Variants in WDR64 observed in about 807,000 individuals in gnomAD.
WDR64 encodes the protein WD repeat domain 64.
In WDR64, 112 loss-of-function variants were observed where a neutral mutation model predicts 139.3. The ratio of observed to expected loss-of-function variants is 0.80; its 90% CI spans 0.69 to 0.94. The LOEUF is 0.94. WDR64 is among the 40% of genes least tolerant of loss of function. WDR64 has a pLI of 0.00. For missense variants in WDR64, 1,206 were observed against 1,293.1 expected, an observed-to-expected ratio of 0.93 and a Z score of 1.03; for synonymous variants, 444 against 437.7, an observed-to-expected ratio of 1.01 and a Z score of -0.18.
chr1:241,781,529 G>A (rs1658844327), intron 22 of WDR64, among the ~76,000 whole-genome samples: 2 of 152,150 alleles, frequency 1.3e-5, no homozygotes, highest in Non-Finnish European at 2.9e-5. Context: ...TAGAAAAAAA[G>A]GTTAATCTTG....
rs1440765243 is a variant in WDR64, at chr1:241,674,690, C to T, written c.426C>T (p.His142=). The part of the protein sequence containing the change: ...DVIKSIVKIP[H]LDLLITATQK... ...TTAAGAGCATTGTCAAGATACCTCA[C>T]CTGGATTTACTAATAACAGCTACTC... The change falls in exon 4 of 28, where the codon CAC becomes CAT. Residue 142 remains histidine, a synonymous_variant. Transcript: ENST00000437684. The T allele has an allele frequency of 6.5e-7, 1 of 1,550,284 alleles. No homozygotes were observed. The highest frequency in any genetic ancestry group is 8.7e-7 in the Non-Finnish European group (1 of 1,146,126).
At chr1:241,771,383 A>T (rs188156463) in intron 18 of WDR64, among the ~76,000 whole-genome samples, 25 of 152,288 alleles carry the variant, frequency 1.6e-4, no homozygotes, top group Admixed American at 1.0e-3. Flanking sequence ...ACAATTAGAG[A>T]TCATGTCAAC....
In WDR64 at chr1:241,802,708, T is replaced by C. The variant is rs1659558861; in HGVS notation, c.*1493T>C. Among the ~76,000 whole-genome samples, 4 of 152,174 alleles carry C rather than the reference T, an allele frequency of 2.6e-5. No individual in the cohort carries two copies. The highest frequency in any genetic ancestry group is 2.6e-4 in the Admixed American group (4 of 15,274). The stretch of plus-strand genomic sequence containing the variant: ...AGATGGATATGTGTTAGAGCATATC[T>C]AAAACCACATTAATTATGGAATCTA... On this transcript the variant is annotated 3_prime_UTR_variant, in exon 28 of 28. Transcript: ENST00000437684.
chr1:241,780,111 T>C (rs745966431), intron 22 of WDR64, 49 bp downstream of exon 22: 2 of 1,436,940 alleles, frequency 1.4e-6, no homozygotes, highest in East Asian at 2.4e-5. Context: ...CATATATTTA[T>C]TGAGCATTTC....
chr1:241,767,149 CAA>C (rs2148293621), intron 16 of WDR64, among the ~76,000 whole-genome samples: 1 of 152,292 alleles, frequency 6.6e-6, no homozygotes, highest in East Asian at 1.9e-4. Flanking sequence ...ACTCAGCCAC[CAA>C]AGTCACATGG....
At chr1:241,760,345 A>G (rs1558511934) in intron 15 of WDR64, among the ~76,000 whole-genome samples, 1 of 150,658 alleles carries the variant, frequency 6.6e-6, no homozygotes, top group African/African-American at 2.4e-5. Context: ...ATATATATAT[A>G]TTTATATTTA....
chr1:241,771,963 T>TACATAC (rs1658468312), intron 19 of WDR64, among the ~76,000 whole-genome samples: 2 of 92,954 alleles, frequency 2.2e-5, no homozygotes, highest in South Asian at 5.1e-4. Flanking sequence ...TATATATATA[T>TACATAC]ATATATATAT....
At position 241,660,531 on chromosome 1, in the gene WDR64, T is replaced by G; in HGVS notation, c.147T>G (p.Asp49Glu). The G allele has an allele frequency of 1.3e-6, 2 of 1,551,584 alleles. No homozygotes were observed. Among genetic ancestry groups the G allele is most frequent in the Non-Finnish European group, 1.7e-6 (2 of 1,146,730 alleles). ...TGGACTGTACTTTTTTCAATGCAGA[T>G]GCAATTGGTTATGACAAGTTTTATG... ...ERAGLFIHKE[D>E]AIGYDKFYAS... The change falls in exon 2 of 28, where the codon GAT becomes GAG. Residue 49 changes from aspartate (D) to glutamate (E), a missense_variant and splice_region_variant. Coordinates refer to ENST00000437684, the MANE Select transcript of WDR64 (RefSeq NM_001367482.1).
At chr1:241,770,883 A>C (rs1174056939) in intron 18 of WDR64, among the ~76,000 whole-genome samples, 193 bp downstream of exon 18, 1 of 152,204 alleles carries the variant, frequency 6.6e-6, no homozygotes, top group African/African-American at 2.4e-5. Flanking sequence ...TCAATTTTAT[A>C]TATTTTTCAA....
At chr1:241,782,743 G>C (rs932903785) in intron 22 of WDR64, among the ~76,000 whole-genome samples, 4 of 152,124 alleles carry the variant, frequency 2.6e-5, no homozygotes, top group Non-Finnish European at 5.9e-5. Context: ...GAATGAAGCT[G>C]AGTTTTATTC....
rs1669887063 is a variant in WDR64, at chr1:241,749,213, C to T, written c.1595-334C>T. ...GTAGCGAATATTCCCATGTTCGGGA[C>T]TGGGTGTTTAGCACACTGAGAAGCG... On this transcript the variant is annotated intron_variant, in intron 13 of 27. Transcript: ENST00000437684. Among the ~76,000 whole-genome samples, 3 of 152,110 alleles carry T rather than the reference C, an allele frequency of 2.0e-5. 1 individual carries two copies. Among genetic ancestry groups the T allele is most frequent in the South Asian group, 4.1e-4 (2 of 4,836 alleles).
At chr1:241,702,208 A>G (rs1407167806) in intron 8 of WDR64, among the ~76,000 whole-genome samples, 1 of 152,270 alleles carries the variant, frequency 6.6e-6, no homozygotes, top group South Asian at 2.1e-4. Flanking sequence ...ACTTTTTATT[A>G]TTTACCCAAC....
intron 19 of WDR64, 48 bp from the exon 20 acceptor site, chr1:241,772,744 T>G (rs1478145749): frequency 6.5e-7 from 1 of 1,540,568 alleles, no homozygotes; most frequent in Non-Finnish European, 8.8e-7. Flanking sequence ...ATTACAGGTG[T>G]GAGCCACCAC....
chr1:241,678,131 C>A, intron 4 of WDR64, 56 bp from the exon 5 acceptor site: 1 of 398,674 alleles, frequency 2.5e-6, no homozygotes, highest in South Asian at 1.3e-4. Flanking sequence ...AGTCAGCATT[C>A]TCATCTTTAA....
intron 4 of WDR64, among the ~76,000 whole-genome samples, chr1:241,677,598 A>T (rs1436965922): frequency 6.6e-6 from 1 of 152,230 alleles, no homozygotes; most frequent in Non-Finnish European, 1.5e-5. Context: ...AAGGCTGCTC[A>T]TATATACAGT....
At chr1:241,766,989 C>T (rs541290398) in intron 16 of WDR64, among the ~76,000 whole-genome samples, 3 of 152,308 alleles carry the variant, frequency 2.0e-5, no homozygotes, top group Admixed American at 2.0e-4. Context: ...CTCTCTAGAG[C>T]TTCAAACACA....
intron 8 of WDR64, among the ~76,000 whole-genome samples, chr1:241,695,204 C>T (rs1667437035): frequency 6.6e-6 from 1 of 152,162 alleles, no homozygotes; most frequent in Non-Finnish European, 1.5e-5. Flanking sequence ...GCAGTAAATA[C>T]TCAAAATACG....
intron 13 of WDR64, among the ~76,000 whole-genome samples, chr1:241,748,340 G>A (rs944495375): frequency 6.6e-5 from 10 of 152,292 alleles, no homozygotes; most frequent in Admixed American, 1.3e-4. Flanking sequence ...TCTCAGTTCC[G>A]GAGGCTGGGA....
At chr1:241,758,314 C>CTTT (rs34461998) in intron 15 of WDR64, among the ~76,000 whole-genome samples, 3 of 145,748 alleles carry the variant, frequency 2.1e-5, no homozygotes, top group Admixed American at 6.9e-5. Flanking sequence ...GACCAGTTGT[C>CTTT]TTTTTTTTTT....
Sources: gnomAD v4.1 joint callset for allele counts (sites outside exome capture counted in the v4.1 genomes callset) on GRCh38, gnomAD v4.1.1 for gene constraint, MANE v1.5 for transcripts, NCBI Gene and HGNC (gene_info 2026-07-23, HGNC 2026-07-21) for gene names.